SOX5: variants seen among roughly 807,000 people sequenced by gnomAD.
The protein encoded by SOX5 is transcription factor SOX-5.
In SOX5, 9 loss-of-function variants were observed where a neutral mutation model predicts 92.0. The observed-to-expected ratio is 0.10, with a 90% confidence interval of 0.06 to 0.17. The LOEUF (loss-of-function observed/expected upper bound fraction) is 0.17. Among genes scored for constraint, SOX5 ranks in the 10% least tolerant of loss-of-function variants. The pLI is 1.00. For missense variants in SOX5, 642 were observed against 944.5 expected, an observed-to-expected ratio of 0.68 and a Z score of 4.20; for synonymous variants, 344 against 336.3, an observed-to-expected ratio of 1.02 and a Z score of -0.25.
At chr12:23,714,342 G>A (rs1274874106) in intron 6 of SOX5, among the ~76,000 whole-genome samples, 1 of 151,724 alleles carries the variant, frequency 6.6e-6, no homozygotes, top group African/African-American at 2.4e-5. Flanking sequence ...ACACTTGTAG[G>A]CTGGGCGCAG....
intron 6 of SOX5, among the ~76,000 whole-genome samples, chr12:23,734,279 G>T (rs2093503161): frequency 6.6e-6 from 1 of 152,028 alleles, no homozygotes; most frequent in African/African-American, 2.4e-5. Flanking sequence ...ATCACACATG[G>T]CTCTCGGGCA....
At chr12:23,570,794 C>A (rs1948048356) in intron 10 of SOX5, among the ~76,000 whole-genome samples, 1 of 149,354 alleles carries the variant, frequency 6.7e-6, no homozygotes, top group African/African-American at 2.5e-5. Flanking sequence ...GCCTATAGTC[C>A]CAGCTACTCT....
At chr12:23,589,724 C>T (rs1276560949) in intron 9 of SOX5, among the ~76,000 whole-genome samples, 1 of 151,878 alleles carries the variant, frequency 6.6e-6, no homozygotes. Context: ...ATTTCAGAGT[C>T]GTTTTGTATA....
intron 8 of SOX5, among the ~76,000 whole-genome samples, chr12:23,608,120 A>AAG (rs2075492334): frequency 6.8e-6 from 1 of 147,150 alleles, no homozygotes; most frequent in Non-Finnish European, 1.5e-5. Context: ...AAAAAGAAAA[A>AAG]AAAAAAAAAA....
intron 4 of SOX5, among the ~76,000 whole-genome samples, chr12:24,012,576 CA>C (rs1231982497): frequency 2.6e-5 from 4 of 152,114 alleles, no homozygotes; most frequent in African/African-American, 9.7e-5. Context: ...TCCATGATTA[CA>C]AAACTGTAGC....
chr12:24,447,233 G>T (rs73285517), intron 1 of SOX5, among the ~76,000 whole-genome samples: 1,579 of 152,266 alleles, frequency 0.01, 18 homozygotes, highest in East Asian at 0.05. Flanking sequence ...GGTGAAAAAG[G>T]TTAGTGTCAT....
chr12:23,619,927 G>C (rs946629283), intron 8 of SOX5, among the ~76,000 whole-genome samples: 4 of 152,032 alleles, frequency 2.6e-5, no homozygotes, highest in African/African-American at 9.7e-5. Context: ...TTTCATTCTA[G>C]GTCTTTAGCT....
At chr12:24,296,039 C>G (rs1463736006) in intron 2 of SOX5, among the ~76,000 whole-genome samples, 1 of 152,172 alleles carries the variant, frequency 6.6e-6, no homozygotes. Context: ...TCCTTAAAAT[C>G]TGAAGCACTC....
intron 4 of SOX5, among the ~76,000 whole-genome samples, chr12:24,102,560 T>A (rs901714476): frequency 2.0e-5 from 3 of 152,218 alleles, no homozygotes; most frequent in African/African-American, 7.2e-5. Context: ...TTTCCATACG[T>A]CATCTAGAGT....
At chr12:24,179,944 A>T (rs1383193453) in intron 4 of SOX5, among the ~76,000 whole-genome samples, 4 of 110,698 alleles carry the variant, frequency 3.6e-5, no homozygotes, top group East Asian at 4.4e-4. Flanking sequence ...TTTTTTTATT[A>T]AAAAAAAAAA....
intron 1 of SOX5, among the ~76,000 whole-genome samples, chr12:24,389,837 A>G (rs1034812262): frequency 3.9e-5 from 6 of 152,160 alleles, no homozygotes; most frequent in South Asian, 2.1e-4. Context: ...TACATTCTCA[A>G]TGGTGGTGTA....
chr12:23,919,995 T>C (rs767247990), intron 1 of SOX5: 5 of 152,164 alleles, frequency 3.3e-5, no homozygotes, highest in Admixed American at 6.5e-5. Context: ...CAGAAAATCC[T>C]GTAAACAGGA....
chr12:24,156,242 G>A (rs1259503449), intron 4 of SOX5, among the ~76,000 whole-genome samples: 3 of 152,086 alleles, frequency 2.0e-5, no homozygotes, highest in Non-Finnish European at 4.4e-5. Context: ...ACAACCCAGA[G>A]GTATAATTTA....
intron 7 of SOX5, among the ~76,000 whole-genome samples, chr12:23,658,864 G>C (rs1285801256): frequency 2.0e-5 from 3 of 152,204 alleles, no homozygotes; most frequent in African/African-American, 7.2e-5. Flanking sequence ...TTGCACTCCA[G>C]CCTGGGCAAC....
chr12:23,802,827 T>G (rs1430008410), intron 3 of SOX5, among the ~76,000 whole-genome samples: 1 of 152,156 alleles, frequency 6.6e-6, no homozygotes, highest in African/African-American at 2.4e-5. Flanking sequence ...TTTACCATCT[T>G]ATTGTGTCCC....
rs1051870079 is a variant in SOX5 at position 23,801,527 on chromosome 12, G to A, written c.481+44456C>T. ...TCTAAATGATTTCCTTTCCTTTTAC[G>A]TACATTTTGTGAGTAAAATTTTAAA... On this transcript the variant is annotated intron_variant, in intron 3 of 14. Transcript: ENST00000451604. Among the ~76,000 whole-genome samples the A allele has an allele frequency of 6.6e-5, 10 of 152,034 alleles. No individual in the cohort carries two copies. The South Asian group carries it at 8.3e-4, about 13-fold the overall frequency.
At chr12:24,474,417 G>A (rs77335756) in intron 1 of SOX5, among the ~76,000 whole-genome samples, 33 of 152,198 alleles carry the variant, frequency 2.2e-4, no homozygotes, top group African/African-American at 4.8e-4. Context: ...CCCCCCCACC[G>A]GTGTGATATC....
chr12:23,901,687 A>T (rs78214032), intron 1 of SOX5, among the ~76,000 whole-genome samples: 3,501 of 152,210 alleles, frequency 0.023, 116 homozygotes, highest in African/African-American at 0.079. Context: ...GTTTATGGTC[A>T]ATCTCTCCCA....
chr12:24,460,482 C>T (rs1943501307), intron 1 of SOX5: 1 of 152,182 alleles, frequency 6.6e-6, no homozygotes, highest in Admixed American at 6.5e-5. Context: ...GACAGAGATG[C>T]TCAACTTCTG....
Sources: allele counts gnomAD v4.1 joint callset (sites outside exome capture counted in the v4.1 genomes callset), GRCh38; gene constraint gnomAD v4.1.1; transcripts MANE v1.5; gene names NCBI Gene and HGNC (gene_info 2026-07-23, HGNC 2026-07-21).